SEC23B: variants seen among roughly 807,000 people sequenced by gnomAD.
SEC23B encodes SEC23 homolog B, COPII component.
SEC23B carries 77 observed loss-of-function variants against 104.3 expected under a neutral mutation model. That is an observed-to-expected ratio of 0.74 (90% CI 0.61 to 0.89). SEC23B has a LOEUF of 0.89. Among genes scored for constraint, SEC23B ranks in the 40% least tolerant of loss-of-function variants. SEC23B has a pLI of 0.00. For missense variants in SEC23B, 885 were observed against 949.4 expected, an observed-to-expected ratio of 0.93 and a Z score of 0.89; for synonymous variants, 338 against 332.5, an observed-to-expected ratio of 1.02 and a Z score of -0.18.
chr20:18,551,045 G>T, intron 16 of SEC23B, 44 bp from the exon 17 acceptor site: 1 of 1,237,716 alleles, frequency 8.1e-7, no homozygotes, highest in South Asian at 1.2e-5. Flanking sequence ...GCTGTGTGGG[G>T]AGCAGGGAAG....
At chr20:18,549,542 A>G (rs6081205) in intron 16 of SEC23B, among the ~76,000 whole-genome samples, 21,870 of 152,168 alleles carry the variant, frequency 0.14, 2,044 homozygotes, top group Non-Finnish European at 0.2. Context: ...CACAAAAAGT[A>G]TGTAACATAA....
At chr20:18,543,360 A>C (rs2060306221) in intron 14 of SEC23B, among the ~76,000 whole-genome samples, 188 bp downstream of exon 14, 1 of 152,244 alleles carries the variant, frequency 6.6e-6, no homozygotes, top group Non-Finnish European at 1.5e-5. Context: ...GATTTACATT[A>C]TAGTTGGGAA....
At chr20:18,520,409 C>CAG (rs34555235) in intron 4 of SEC23B, among the ~76,000 whole-genome samples, 103,061 of 151,464 alleles carry the variant, frequency 0.68, 36,504 homozygotes, top group Non-Finnish European at 0.8. Context: ...GATCGGTTGC[C>CAG]AGAGAGAGTG....
At chr20:18,547,739 C>G (rs1281401022) in intron 15 of SEC23B, among the ~76,000 whole-genome samples, 3 of 152,084 alleles carry the variant, frequency 2.0e-5, no homozygotes, top group Non-Finnish European at 4.4e-5. Context: ...CACCCCCACT[C>G]CCCACTGCTA....
At chr20:18,537,958 A>T (rs1426583210) in intron 12 of SEC23B, among the ~76,000 whole-genome samples, 1 of 151,304 alleles carries the variant, frequency 6.6e-6, no homozygotes, top group African/African-American at 2.4e-5. Context: ...TTTTTTAATT[A>T]AGACAAAGTC....
chr20:18,520,504 G>A (rs6081178), intron 4 of SEC23B, among the ~76,000 whole-genome samples: 103,273 of 151,812 alleles, frequency 0.68, 36,562 homozygotes, highest in Non-Finnish European at 0.8. Context: ...AAGAGCGGGA[G>A]TGAGGTGTGG....
intron 9 of SEC23B, among the ~76,000 whole-genome samples, chr20:18,529,819 C>T (rs987365399): frequency 1.2e-4 from 18 of 152,316 alleles, no homozygotes; most frequent in Non-Finnish European, 2.2e-4. Flanking sequence ...AGCTGACAGA[C>T]GGTTCAGGCA....
At position 18,516,388 on chromosome 20, in the gene SEC23B, G is replaced by T. The variant is rs184058906; in HGVS notation, c.366+652G>T. Among the ~76,000 whole-genome samples, 277 of 151,924 alleles carry T rather than the reference G, an allele frequency of 1.8e-3. 1 individual carries two copies. The highest frequency in any genetic ancestry group is 2.9e-3 in the Non-Finnish European group (197 of 67,976). On this transcript the variant is annotated intron_variant, in intron 4 of 19. Transcript: ENST00000650089. ...ATAACTGTTTACCCATATGTTGGAG[G>T]TTTGCATTTCTGCTACATTGTGTTT...
chr20:18,537,874 G>A (rs549195151), intron 12 of SEC23B, among the ~76,000 whole-genome samples: 1 of 152,028 alleles, frequency 6.6e-6, no homozygotes, highest in Non-Finnish European at 1.5e-5. Context: ...CATTGATGTT[G>A]TTGGCTGCTG....
intron 4 of SEC23B, among the ~76,000 whole-genome samples, chr20:18,523,397 C>CT (rs112136906): frequency 0.35 from 45,691 of 129,900 alleles, 8,651 homozygotes; most frequent in South Asian, 0.45. Context: ...TCTTTCCTTT[C>CT]TTTTTTTTTT....
intron 3 of SEC23B, among the ~76,000 whole-genome samples, chr20:18,513,218 C>T (rs375336051): frequency 3.2e-4 from 47 of 148,588 alleles, no homozygotes; most frequent in African/African-American, 6.2e-4. Context: ...CATGGTGGTG[C>T]GCACTTGTAG....
At chr20:18,517,780 T>C (rs1010092403) in intron 4 of SEC23B, among the ~76,000 whole-genome samples, 1 of 152,160 alleles carries the variant, frequency 6.6e-6, no homozygotes, top group African/African-American at 2.4e-5. Context: ...ATTTGTCGTA[T>C]AGAATTATTG....
Position 18,524,714 on chromosome 20 carries a change from T to A in SEC23B, c.603+45T>A, listed in dbSNP as rs749146749. The A allele has an allele frequency of 9.5e-5, 141 of 1,490,110 alleles. 1 individual carries two copies. The highest frequency in any genetic ancestry group is 6.2e-4 in the African/African-American group (45 of 72,628). 92.3% of individuals were successfully genotyped at this position (1,490,110 alleles called of 1,614,324 possible). On this transcript the variant is annotated intron_variant, in intron 5 of 19. Transcript: ENST00000650089. ...AGGAGCAGAAACAAGGACTTTTTTT[T>A]AAAAGAGACTGGGGTCTCTTTAAAA...
At position 18,548,744 on chromosome 20, in the gene SEC23B, T is replaced by C; in HGVS notation, c.1879T>C (p.Ser627Pro). ...SLIMIQPILY[S>P]YSFHGPPEPV... Reference sequence around the variant, plus strand: ...CATCATGATCCAGCCCATTCTCTACTCTTACTCCTTTCATGGGCCACCAGA... The same window carrying C: ...CATCATGATCCAGCCCATTCTCTACCCTTACTCCTTTCATGGGCCACCAGA... Residue 627 changes from serine (S) to proline (P), a missense_variant, in exon 16 of 20, where the codon TCT becomes CCT. Transcript: ENST00000650089. The C allele has an allele frequency of 6.2e-7, 1 of 1,614,194 alleles. No homozygotes were observed. The highest frequency in any genetic ancestry group is 8.5e-7 in the Non-Finnish European group (1 of 1,180,030).
At chr20:18,508,874 C>T (rs1347272835) in intron 1 of SEC23B, among the ~76,000 whole-genome samples, 4 of 152,074 alleles carry the variant, frequency 2.6e-5, no homozygotes, top group African/African-American at 4.8e-5. Context: ...GCACCTGCCA[C>T]CACGCCCAGC....
chr20:18,560,621 T>G, intron 19 of SEC23B, 30 bp from the exon 20 acceptor site: 1 of 1,554,298 alleles, frequency 6.4e-7, no homozygotes, highest in Non-Finnish European at 8.9e-7. Flanking sequence ...CTAAGATATC[T>G]GCCAACTAAT....
At chr20:18,520,020 G>T (rs1351756001) in intron 4 of SEC23B, among the ~76,000 whole-genome samples, 1 of 152,216 alleles carries the variant, frequency 6.6e-6, no homozygotes, top group African/African-American at 2.4e-5. Context: ...GTCAGGGTCA[G>T]TCCAAGTGAA....
chr20:18,557,506 G>A (rs531408957), intron 19 of SEC23B, among the ~76,000 whole-genome samples: 110 of 152,190 alleles, frequency 7.2e-4, no homozygotes, highest in Admixed American at 1.5e-3. Context: ...GCGAAGTCTA[G>A]AGACCTTACC....
rs1158063809 is a variant in SEC23B, at chr20:18,510,915, G to C, written c.80G>C (p.Ser27Thr). 5 of 1,614,162 alleles carry C rather than the reference G, an allele frequency of 3.1e-6. No homozygotes were observed. In the South Asian group the frequency reaches 5.5e-5, roughly 18 times the overall value. The change falls in exon 2 of 20, where the codon AGC becomes ACC. Residue 27 changes from serine to threonine, a missense_variant. By Grantham distance (58) the Ser-to-Thr change is moderately conservative. Transcript: ENST00000650089. ...VRFSWNVWPSSRLEATRMVVP... is the reference protein window; with the variant it reads ...VRFSWNVWPSTRLEATRMVVP... ...TTTAGTTGGAACGTGTGGCCTTCCAGCCGGCTGGAGGCTACAAGAATGGTT... is the reference window on the plus strand; with the variant it reads ...TTTAGTTGGAACGTGTGGCCTTCCACCCGGCTGGAGGCTACAAGAATGGTT...
Sources: gnomAD v4.1 joint callset for allele counts (sites outside exome capture counted in the v4.1 genomes callset) on GRCh38, gnomAD v4.1.1 for gene constraint, MANE v1.5 for transcripts, NCBI Gene and HGNC (gene_info 2026-07-23, HGNC 2026-07-21) for gene names.